Variants in RASSF3 observed in about 807,000 individuals in gnomAD.
RASSF3 encodes Ras association domain family member 3.
RASSF3 carries 19 observed loss-of-function variants against 19.9 expected under a neutral mutation model. That is an observed-to-expected ratio of 0.96 (90% CI 0.67 to 1.40). The LOEUF is 1.40. Among genes scored for constraint, RASSF3 ranks in the 40% most tolerant of loss-of-function variants. The probability of loss-of-function intolerance (pLI) is 0.00; values close to 1 mark genes in which losing one functional copy is unlikely to be tolerated. For synonymous variants in RASSF3, 110 were observed against 104.2 expected (o/e 1.06, Z -0.34); for missense variants, 306 against 289.8 (o/e 1.06, Z -0.41).
downstream of RASSF3, among the ~76,000 whole-genome samples, chr12:64,542,102 A>T (rs914533056): frequency 6.6e-6 from 1 of 152,052 alleles, no homozygotes; most frequent in Admixed American, 6.6e-5. Flanking sequence ...TGAGTCTGAG[A>T]CCAACCTGGG....
chr12:64,631,518 G>T (rs1871163295), intron 1 of RASSF3, among the ~76,000 whole-genome samples: 1 of 151,398 alleles, frequency 6.6e-6, no homozygotes, highest in African/African-American at 2.4e-5. Flanking sequence ...AAGTGGTAAG[G>T]GTGTTGTCAT....
upstream of RASSF3, among the ~76,000 whole-genome samples, chr12:64,606,957 A>C (rs943876565): frequency 6.6e-6 from 1 of 152,302 alleles, no homozygotes; most frequent in African/African-American, 2.4e-5. Context: ...TTCATGAGCT[A>C]AATTTTAAAT....
upstream of RASSF3, among the ~76,000 whole-genome samples, chr12:64,532,158 A>G (rs1307349508): frequency 6.6e-6 from 1 of 152,228 alleles, no homozygotes; most frequent in Non-Finnish European, 1.5e-5. Flanking sequence ...AGTCAACGGC[A>G]ACACTGAGCA....
intron 1 of RASSF3, among the ~76,000 whole-genome samples, chr12:64,518,208 A>G (rs1249244010): frequency 6.6e-6 from 1 of 152,214 alleles, no homozygotes; most frequent in African/African-American, 2.4e-5. Flanking sequence ...ATCACATTCT[A>G]TGGTTGGCAG....
chr12:64,610,252 C>G (rs1870288640), upstream of RASSF3, among the ~76,000 whole-genome samples: 1 of 152,066 alleles, frequency 6.6e-6, no homozygotes, highest in Non-Finnish European at 1.5e-5. Flanking sequence ...CCCCAGCAGA[C>G]GCAGCCCTAG....
intron 1 of RASSF3, among the ~76,000 whole-genome samples, chr12:64,674,430 A>G (rs923880861): frequency 6.6e-6 from 1 of 152,134 alleles, no homozygotes; most frequent in African/African-American, 2.4e-5. Flanking sequence ...AGATGTAAAA[A>G]AGCAGCCAGG....
intron 2 of RASSF3, among the ~76,000 whole-genome samples, chr12:64,549,963 G>A (rs1267020784): frequency 1.3e-5 from 2 of 152,092 alleles, no homozygotes; most frequent in Admixed American, 6.5e-5. Flanking sequence ...ATTCTTTCAT[G>A]CTTACCACAA....
chr12:64,592,642 T>A (rs958714398), intron 2 of RASSF3, among the ~76,000 whole-genome samples: 1 of 152,016 alleles, frequency 6.6e-6, no homozygotes, highest in African/African-American at 2.4e-5. Flanking sequence ...TTTTACCAAG[T>A]TTTTTCTGTT....
At chr12:64,643,437 G>A (rs561643812) in intron 1 of RASSF3, among the ~76,000 whole-genome samples, 1 of 152,154 alleles carries the variant, frequency 6.6e-6, no homozygotes, top group South Asian at 2.1e-4. Context: ...GGAGACTAAG[G>A]CAGAACGACC....
intron 2 of RASSF3, among the ~76,000 whole-genome samples, chr12:64,572,240 T>C (rs1869530037): frequency 6.6e-6 from 1 of 151,858 alleles, no homozygotes; most frequent in Non-Finnish European, 1.5e-5. Flanking sequence ...AGAGAAATCT[T>C]TGGGAGACAA....
At chr12:64,691,954 TA>T (rs1271869593) in intron 4 of RASSF3, among the ~76,000 whole-genome samples, 1 of 152,188 alleles carries the variant, frequency 6.6e-6, no homozygotes, top group Non-Finnish European at 1.5e-5. Flanking sequence ...TGTTTGCTAC[TA>T]ACAAAAGTCT....
At chr12:64,676,105 A>G (rs1274961626) in intron 1 of RASSF3, among the ~76,000 whole-genome samples, 2 of 152,118 alleles carry the variant, frequency 1.3e-5, no homozygotes, top group Non-Finnish European at 2.9e-5. Context: ...TTTTAAGGAC[A>G]AGAACAGCAG....
chr12:64,568,378 T>C (rs1345862759), intron 2 of RASSF3, among the ~76,000 whole-genome samples: 6 of 152,112 alleles, frequency 3.9e-5, no homozygotes, highest in Non-Finnish European at 8.8e-5. Flanking sequence ...GTAAAACATA[T>C]ATATATCAGA....
intron 1 of RASSF3, among the ~76,000 whole-genome samples, chr12:64,653,777 G>A (rs2136192655): frequency 6.6e-6 from 1 of 152,076 alleles, no homozygotes; most frequent in South Asian, 2.1e-4. Flanking sequence ...TGAATTCTTG[G>A]GCCTTAGCAA....
chr12:64,514,053 C>CTTT lies in RASSF3; in HGVS notation c.169+6737_169+6739dup, dbSNP rs763156753. Among the ~76,000 whole-genome samples the CTTT allele has an allele frequency of 3.7e-4, 49 of 133,654 alleles. No homozygotes were observed. In the East Asian group the frequency reaches 7.8e-3, roughly 21 times the overall value. 87.7% of individuals were successfully genotyped at this position (133,654 alleles called of 152,430 possible). On this transcript the variant is annotated intron_variant, in intron 1 of 5. Transcript: ENST00000637125. ...CGCCACCACACCCAGCTACTTTTTG[C>CTTT]TTTTTTTTTTTTTTTAGTAGAGACG...
intron 1 of RASSF3, among the ~76,000 whole-genome samples, chr12:64,638,713 G>C (rs1388683508): frequency 1.3e-5 from 2 of 152,050 alleles, no homozygotes; most frequent in African/African-American, 4.8e-5. Flanking sequence ...GTTTCCCCCA[G>C]TTCATTTTGA....
At chr12:64,549,302 C>CATA (rs1869118311) in intron 2 of RASSF3, among the ~76,000 whole-genome samples, 1 of 152,146 alleles carries the variant, frequency 6.6e-6, no homozygotes, top group Non-Finnish European at 1.5e-5. Flanking sequence ...AATTTGAGAA[C>CATA]TGCCTGGACA....
chr12:64,691,547 A>T lies in RASSF3; in HGVS notation c.535A>T (p.Ser179Cys), dbSNP rs1249368588. Residue 179 changes from serine to cysteine, a missense_variant, in exon 4 of 5, where the codon AGT (serine) becomes TGT (cysteine). Ser to Cys is a moderately radical substitution (Grantham distance 112, BLOSUM62 -1). Coordinates refer to ENST00000542104, the MANE Select transcript of RASSF3 (RefSeq NM_178169.4). ...AGCAGGGCCCAGAACAGACACACTT[A>T]GTTTTGTTCTTCGTGAACATGAAAT... ...LVAGPRTDTL[S>C]FVLREHEIGE... is the part of the protein sequence containing the mutation. The T allele has an allele frequency of 1.9e-6, 3 of 1,612,888 alleles. No individual in the cohort carries two copies. The African/African-American group carries it at 4.0e-5, about 22-fold the overall frequency.
intron 2 of RASSF3, among the ~76,000 whole-genome samples, chr12:64,592,494 G>A (rs1869941412): frequency 6.6e-6 from 1 of 152,072 alleles, no homozygotes; most frequent in African/African-American, 2.4e-5. Context: ...TCCTACAAGA[G>A]GAAATGCATA....
Sources: allele counts gnomAD v4.1 joint callset (sites outside exome capture counted in the v4.1 genomes callset), GRCh38; gene constraint gnomAD v4.1.1; transcripts MANE v1.5; gene names NCBI Gene and HGNC (gene_info 2026-07-23, HGNC 2026-07-21).